COG7: variants seen among roughly 807,000 people sequenced by gnomAD.
The protein encoded by COG7 is conserved oligomeric Golgi complex subunit 7.
Under a neutral mutation model 91.5 loss-of-function variants are expected in COG7, and 49 were observed. The ratio of observed to expected loss-of-function variants is 0.54; its 90% CI spans 0.43 to 0.68. The LOEUF (loss-of-function observed/expected upper bound fraction) is 0.68, where lower values mean the gene tolerates loss of function less well. Among genes scored for constraint, COG7 ranks in the 30% least tolerant of loss-of-function variants. The pLI is 0.00. For synonymous variants in COG7, 365 were observed against 388.7 expected (o/e 0.94, Z 0.72); for missense variants, 895 against 961.3 (o/e 0.93, Z 0.91).
chr16:23,398,067 G>A lies in COG7; in HGVS notation c.1866C>T (p.Thr622=), dbSNP rs1286441550. The A allele has an allele frequency of 6.2e-7, 1 of 1,614,122 alleles. No individual in the cohort carries two copies. The highest frequency in any genetic ancestry group is 2.2e-5 in the East Asian group (1 of 44,880). ...TTACGTTGCTGATGTACTCGAGAGG[G>A]GTGAGACTAAAGGCGGGCAGTTCAT... The part of the protein sequence containing the change: ...LTDELPAFSL[T]PLEYISNIGQ... The change falls in exon 14 of 17, where the codon ACC becomes ACT. Residue 622 remains threonine (T), a synonymous_variant. Transcript: ENST00000307149.
intron 5 of COG7, 138 bp from the exon 6 acceptor site, chr16:23,433,805 T>A: frequency 4.9e-6 from 4 of 817,784 alleles, no homozygotes; most frequent in East Asian, 2.8e-5. Flanking sequence ...TCCATTCACT[T>A]CAAAGAAAGG....
intron 1 of COG7, among the ~76,000 whole-genome samples, chr16:23,448,039 T>C (rs1208751191): frequency 6.6e-6 from 1 of 152,196 alleles, no homozygotes; most frequent in Non-Finnish European, 1.5e-5. Context: ...CCAATAAATA[T>C]TTGTTGACTG....
At chr16:23,418,114 C>T (rs1368090543) in intron 8 of COG7, among the ~76,000 whole-genome samples, 5 of 152,190 alleles carry the variant, frequency 3.3e-5, no homozygotes, top group Admixed American at 6.5e-5. Flanking sequence ...AACAAAAGAC[C>T]GCCTTAGTAA....
Position 23,453,050 on chromosome 16 carries a change from A to C in COG7, c.-56T>G. On this transcript the variant is annotated 5_prime_UTR_variant, in exon 1 of 17. Transcript: ENST00000307149. The stretch of plus-strand genomic sequence containing the variant: ...ACTTAAGAGTTGGCTCCGGGCGGCA[A>C]CGGGGATGCAGAAGCGAGCGAGCCT... 1 of 1,610,016 alleles carries C rather than the reference A, an allele frequency of 6.2e-7. No individual in the cohort carries two copies. The highest frequency in any genetic ancestry group is 8.5e-7 in the Non-Finnish European group (1 of 1,177,880).
chr16:23,452,974 C>T lies in COG7; in HGVS notation c.21G>A (p.Leu7=), dbSNP rs1169890622. MDFSKF[L]ADDFDVKEWI... Reference sequence around the variant, plus strand: ...ACTCCTTCACGTCGAAGTCGTCTGCCAGGAACTTGGAGAAGTCCATGGCGG... The same window carrying T: ...ACTCCTTCACGTCGAAGTCGTCTGCTAGGAACTTGGAGAAGTCCATGGCGG... Residue 7 remains leucine, a synonymous_variant, in exon 1 of 17, where the codon CTG becomes CTA. Coordinates refer to ENST00000307149, the MANE Select transcript of COG7 (RefSeq NM_153603.4). The T allele has an allele frequency of 1.3e-5, 21 of 1,613,964 alleles. No individual in the cohort carries two copies. Among genetic ancestry groups the T allele is most frequent in the Admixed American group, 1.7e-5 (1 of 60,000 alleles).
intron 16 of COG7, among the ~76,000 whole-genome samples, chr16:23,391,591 C>T (rs1042198309): frequency 2.0e-5 from 3 of 152,232 alleles, no homozygotes; most frequent in Non-Finnish European, 2.9e-5. Context: ...TGGCTCAGCC[C>T]TGTGGTCACT....
rs564309749 is a variant in COG7, at chr16:23,403,577, A to G, written c.1803+117T>C. The G allele has an allele frequency of 3.1e-5, 41 of 1,323,004 alleles. No individual in the cohort carries two copies. In the South Asian group the frequency reaches 5.0e-4, roughly 16 times the overall value. 82.0% of individuals were successfully genotyped at this position (1,323,004 alleles called of 1,614,324 possible). ...GAAAGTGGCTCTTTCCGGCTTGGGA[A>G]AGTTAAAGCGGGATCTTCCCAAAGC... On this transcript the variant is annotated intron_variant, in intron 13 of 16. Transcript: ENST00000307149.
At chr16:23,434,461 T>C (rs142325183) in intron 5 of COG7, among the ~76,000 whole-genome samples, 175 bp downstream of exon 5, 12 of 152,280 alleles carry the variant, frequency 7.9e-5, no homozygotes, top group African/African-American at 2.9e-4. Context: ...AACTGGCAAT[T>C]AAACAAATCC....
intron 6 of COG7, among the ~76,000 whole-genome samples, chr16:23,429,036 C>A (rs930359441): frequency 6.6e-6 from 1 of 151,998 alleles, no homozygotes; most frequent in African/African-American, 2.4e-5. Context: ...GTCGCCCAGA[C>A]TGGAGTGCAG....
intron 11 of COG7, among the ~76,000 whole-genome samples, chr16:23,409,211 G>A (rs543946920): frequency 2.0e-5 from 3 of 152,222 alleles, no homozygotes; most frequent in South Asian, 2.1e-4. Context: ...ACCAACAGGC[G>A]GGTGGCAGAG....
At chr16:23,396,991 C>T (rs759248783) in intron 14 of COG7, among the ~76,000 whole-genome samples, 11 of 152,106 alleles carry the variant, frequency 7.2e-5, no homozygotes, top group Non-Finnish European at 1.3e-4. Context: ...CTCACTGCAG[C>T]GTCGACCTCC....
intron 11 of COG7, among the ~76,000 whole-genome samples, chr16:23,408,954 G>A (rs1041783921): frequency 6.6e-6 from 1 of 151,870 alleles, no homozygotes; most frequent in African/African-American, 2.4e-5. Flanking sequence ...AACAGCCTGG[G>A]TGTATCCAAG....
At chr16:23,420,688 G>A (rs1443824815) in intron 7 of COG7, among the ~76,000 whole-genome samples, 1 of 152,056 alleles carries the variant, frequency 6.6e-6, no homozygotes, top group East Asian at 1.9e-4. Flanking sequence ...GGTCTAACAT[G>A]GTAATAATCA....
intron 13 of COG7, among the ~76,000 whole-genome samples, chr16:23,401,360 C>T (rs1455857929): frequency 1.3e-5 from 2 of 152,114 alleles, no homozygotes; most frequent in African/African-American, 4.8e-5. Context: ...TGTGGTGAAG[C>T]CGGAATGAGA....
intron 7 of COG7, among the ~76,000 whole-genome samples, chr16:23,423,044 CAAA>C (rs34598282): frequency 3.1e-5 from 2 of 63,624 alleles, no homozygotes; most frequent in African/African-American, 6.3e-5. Context: ...GTCTCTGTCT[CAAA>C]AAAAAAAAAA....
intron 14 of COG7, among the ~76,000 whole-genome samples, chr16:23,397,258 C>A (rs138457999): frequency 1.7e-4 from 26 of 152,312 alleles, no homozygotes; most frequent in African/African-American, 6.0e-4. Flanking sequence ...TTGGCAGAGT[C>A]ACAACTTACA....
At chr16:23,397,637 G>T (rs1449798675) in intron 14 of COG7, among the ~76,000 whole-genome samples, 1 of 152,218 alleles carries the variant, frequency 6.6e-6, no homozygotes, top group African/African-American at 2.4e-5. Context: ...ACTCCACACA[G>T]AGCCTGGCAC....
intron 9 of COG7, 106 bp from the exon 10 acceptor site, chr16:23,413,670 G>T: frequency 1.3e-6 from 1 of 771,714 alleles, no homozygotes; most frequent in Non-Finnish European, 2.4e-6. Context: ...GGCCTTGAGA[G>T]CATCTTTAGA....
intron 6 of COG7, among the ~76,000 whole-genome samples, chr16:23,431,746 T>C (rs1596945008): frequency 6.7e-6 from 1 of 148,888 alleles, no homozygotes; most frequent in Non-Finnish European, 1.5e-5. Context: ...GAGGCGGAGG[T>C]TGCAGGGAGC....
Sources: gnomAD v4.1 joint callset for allele counts (sites outside exome capture counted in the v4.1 genomes callset) on GRCh38, gnomAD v4.1.1 for gene constraint, MANE v1.5 for transcripts, NCBI Gene and HGNC (gene_info 2026-07-23, HGNC 2026-07-21) for gene names.